The following FERRY3 variants were observed in gnomAD, a reference collection of about 807,000 sequenced individuals.
The protein encoded by FERRY3 is FERRY endosomal RAB5 effector complex subunit 3.
chr12:4,509,581 T>TCCCTGAC, the FERRY3 span, among the ~76,000 whole-genome samples: 4 of 147,442 alleles, frequency 2.7e-5, no homozygotes, highest in East Asian at 7.7e-4. Flanking sequence ...CTCAAGTGGG[T>TCCCTGAC]CCCTGACCCC....
the FERRY3 span, chr12:4,490,461 T>C: frequency 1.5e-6 from 2 of 1,338,826 alleles, no homozygotes; most frequent in Admixed American, 2.3e-5. Context: ...TGCCTAGCTG[T>C]ATCTGTGAGA....
the FERRY3 span, among the ~76,000 whole-genome samples, chr12:4,492,604 C>T: frequency 6.6e-6 from 1 of 152,182 alleles, no homozygotes; most frequent in Admixed American, 6.5e-5. Context: ...TTCTTCATGA[C>T]ATTTCCCCCC....
the FERRY3 span, among the ~76,000 whole-genome samples, chr12:4,512,414 A>G: frequency 6.6e-6 from 1 of 152,270 alleles, no homozygotes; most frequent in African/African-American, 2.4e-5. Context: ...TTCTGATACC[A>G]AAGCCAGGCA....
At chr12:4,531,292 T>C in the FERRY3 span, among the ~76,000 whole-genome samples, 1 of 152,208 alleles carries the variant, frequency 6.6e-6, no homozygotes, top group East Asian at 1.9e-4. Context: ...AACCAGCCTA[T>C]GGGACTTAAC....
At chr12:4,537,732 G>A in the FERRY3 span, among the ~76,000 whole-genome samples, 1 of 151,992 alleles carries the variant, frequency 6.6e-6, no homozygotes, top group Non-Finnish European at 1.5e-5. Flanking sequence ...TACTCAGAAA[G>A]AATTAAAATT....
chr12:4,536,346 CAA>C, the FERRY3 span: 18 of 477,398 alleles, frequency 3.8e-5, no homozygotes, highest in Non-Finnish European at 5.2e-5. Context: ...TAGTTTTTCC[CAA>C]GTGTTTATCC....
chr12:4,517,020 G>A, the FERRY3 span: 1 of 1,391,426 alleles, frequency 7.2e-7, no homozygotes, highest in East Asian at 2.6e-5. Context: ...TACTATTACA[G>A]TGATTATAGA....
chr12:4,518,001 A>G, the FERRY3 span: 1 of 1,483,444 alleles, frequency 6.7e-7, no homozygotes. Context: ...CTTTCTTTGT[A>G]AGAATGGTGT....
the FERRY3 span, among the ~76,000 whole-genome samples, chr12:4,517,810 G>GT: frequency 6.6e-6 from 1 of 150,492 alleles, no homozygotes; most frequent in African/African-American, 2.4e-5. Context: ...TGCTCTTTTT[G>GT]TTTTACCTCG....
At chr12:4,525,683 T>C in the FERRY3 span, 1 of 843,430 alleles carries the variant, frequency 1.2e-6, no homozygotes, top group Non-Finnish European at 1.8e-6. Flanking sequence ...AAATAAAAAA[T>C]TTATTTTATA....
At chr12:4,519,761 C>G in the FERRY3 span, among the ~76,000 whole-genome samples, 1 of 152,228 alleles carries the variant, frequency 6.6e-6, no homozygotes, top group African/African-American at 2.4e-5. The surrounding 1 kb of genome is among the most constrained non-coding windows in gnomAD (Gnocchi z 4.3). Flanking sequence ...CGCTCAGCGG[C>G]AGCATTAGGT....
chr12:4,509,818 G>A, the FERRY3 span, among the ~76,000 whole-genome samples: 2 of 137,924 alleles, frequency 1.5e-5, no homozygotes, highest in Admixed American at 6.8e-5. Context: ...CAGAAAAACT[G>A]GAAACTCTAA....
the FERRY3 span, among the ~76,000 whole-genome samples, chr12:4,513,582 T>C: frequency 6.6e-6 from 1 of 151,628 alleles, no homozygotes; most frequent in African/African-American, 2.4e-5. Context: ...CCCTCAGAAA[T>C]AACGCCACAT....
the FERRY3 span, chr12:4,525,073 C>T: frequency 3.0e-6 from 2 of 659,082 alleles, no homozygotes; most frequent in South Asian, 5.2e-5. Context: ...TAACCATTGC[C>T]CCCCAAATAA....
chr12:4,500,897 C>T, the FERRY3 span, among the ~76,000 whole-genome samples: 10 of 152,202 alleles, frequency 6.6e-5, no homozygotes, highest in South Asian at 4.1e-4. Context: ...ATGATCCGCC[C>T]GCCTTGGCCT....
the FERRY3 span, chr12:4,524,984 A>C: frequency 7.6e-6 from 2 of 262,190 alleles, no homozygotes; most frequent in African/African-American, 4.5e-5. Flanking sequence ...GTGGAAACTA[A>C]AGAAATAAAG....
At chr12:4,510,370 G>A in the FERRY3 span, among the ~76,000 whole-genome samples, 27 of 122,606 alleles carry the variant, frequency 2.2e-4, no homozygotes, top group East Asian at 6.8e-4. Context: ...GCAGGCCAAC[G>A]TTCAGATTCA....
chr12:4,521,734 T>C, the FERRY3 span, among the ~76,000 whole-genome samples: 2 of 152,132 alleles, frequency 1.3e-5, no homozygotes, highest in Non-Finnish European at 2.9e-5. Flanking sequence ...CCAACATACA[T>C]GCATAAATAT....
chr12:4,525,144 T>C, the FERRY3 span: 1 of 1,356,022 alleles, frequency 7.4e-7, no homozygotes, highest in Non-Finnish European at 1.0e-6. Flanking sequence ...GTCTTGAACT[T>C]TCACTAGCAA....
Sources: allele counts gnomAD v4.1 joint callset (sites outside exome capture counted in the v4.1 genomes callset), GRCh38; gene constraint gnomAD v4.1.1; non-coding constraint Gnocchi (gnomAD v3.1); transcripts MANE v1.5; gene names NCBI Gene and HGNC (gene_info 2026-07-23, HGNC 2026-07-21).